LLGL2: variants seen among roughly 807,000 people sequenced by gnomAD.
LLGL2 encodes LLGL scribble cell polarity complex component 2, also known as LLGL2, scribble cell polarity complex component.
In LLGL2, 81 loss-of-function variants were observed where a neutral mutation model predicts 123.2. The ratio of observed to expected loss-of-function variants is 0.66; its 90% confidence interval spans 0.55 to 0.79. LLGL2 has a LOEUF of 0.79. Among genes scored for constraint, LLGL2 ranks in the 30% least tolerant of loss-of-function variants. The pLI is 0.00. For missense variants in LLGL2, 1,273 were observed against 1,414.6 expected (o/e 0.90, Z 1.61); for synonymous variants, 577 against 594.1 (o/e 0.97, Z 0.42).
intron 1 of LLGL2, among the ~76,000 whole-genome samples, chr17:75,534,600 C>A (rs1316374565): frequency 6.6e-6 from 1 of 152,216 alleles, no homozygotes; most frequent in Non-Finnish European, 1.5e-5. Flanking sequence ...CCCACCTCAG[C>A]CTCCTGAGTA....
chr17:75,555,339 C>T (rs1441012844), intron 2 of LLGL2, among the ~76,000 whole-genome samples: 2 of 147,032 alleles, frequency 1.4e-5, no homozygotes, highest in African/African-American at 2.5e-5. Context: ...GCCCAGGCTG[C>T]TCTGCCTGCC....
chr17:75,556,348 G>A (rs2054914173), intron 3 of LLGL2, among the ~76,000 whole-genome samples: 1 of 152,128 alleles, frequency 6.6e-6, no homozygotes, highest in African/African-American at 2.4e-5. Context: ...GTGCATCCCT[G>A]GTGGGATGCG....
chr17:75,529,891 G>T (rs1209028637), intron 1 of LLGL2, among the ~76,000 whole-genome samples: 1 of 152,114 alleles, frequency 6.6e-6, no homozygotes, highest in African/African-American at 2.4e-5. Flanking sequence ...TTTAAAAAAA[G>T]ATTTTTAGTG....
chr17:75,558,458 A>G lies in LLGL2; in HGVS notation c.256-54A>G. 6.8e-7 allele frequency: 1 copy of G among 1,467,308 alleles called. No individual in the cohort carries two copies. The highest frequency in any genetic ancestry group is 9.3e-7 in the Non-Finnish European group (1 of 1,074,010). 90.9% of individuals were successfully genotyped at this position (1,467,308 alleles called of 1,614,324 possible). A position where few individuals can be genotyped will look rare whatever the true frequency, so the allele number is the denominator to read the frequency against. ...CTGGGGCTGCGTGGCCCCAGTGTGT[A>G]AAGGCCTTGCCTGGGTAGCAAGACC... On this transcript the variant is annotated intron_variant, in intron 4 of 25. Transcript: ENST00000392550. The surrounding 1 kb of genome is among the most constrained non-coding windows in gnomAD (Gnocchi z 4.0).
intron 6 of LLGL2, among the ~76,000 whole-genome samples, chr17:75,560,271 A>G (rs1431365178): frequency 3.3e-5 from 5 of 152,208 alleles, no homozygotes; most frequent in Non-Finnish European, 7.4e-5. Flanking sequence ...GGGCTGGGGC[A>G]GTGTGTCCAA....
rs886965277 is a variant in LLGL2 at position 75,533,079 on chromosome 17, A to C, written c.-31+7254A>C. Among the ~76,000 whole-genome samples, 12 of 151,646 alleles carry C rather than the reference A, an allele frequency of 7.9e-5. No homozygotes were observed. In the East Asian group the frequency reaches 2.1e-3, roughly 27 times the overall value. Reference sequence around the variant, plus strand: ...CAGTGGCGCGATCTCGGCTCACTGCAAGCTCTGCCTCCCGGGTTCACGCCA... The same window carrying C: ...CAGTGGCGCGATCTCGGCTCACTGCCAGCTCTGCCTCCCGGGTTCACGCCA... On this transcript the variant is annotated intron_variant, in intron 1 of 25. Transcript: ENST00000392550.
rs140158421 is a variant in LLGL2, at chr17:75,549,335, G to A, written c.75+5834G>A. On this transcript the variant is annotated intron_variant, in intron 2 of 25. Transcript: ENST00000392550. This position sits in a 1 kb window ranked among gnomAD's most constrained non-coding sequence, Gnocchi z 4.0. ...CTAGACAACTGCTCACAGCCAGCTC[G>A]CTCCCCTCGGCCAAACCCAGGCACA... 2.9e-3 allele frequency among the ~76,000 whole-genome samples: 440 copies of A among 152,202 alleles called. 3 individuals are homozygous for A. The highest frequency in any genetic ancestry group is 0.01 in the African/African-American group (418 of 41,494).
intron 1 of LLGL2, among the ~76,000 whole-genome samples, chr17:75,536,139 G>A (rs1184129742): frequency 1.3e-5 from 2 of 152,230 alleles, no homozygotes; most frequent in South Asian, 2.1e-4. Flanking sequence ...GGAGACTGAG[G>A]TTGGATGGCC....
intron 2 of LLGL2, among the ~76,000 whole-genome samples, chr17:75,552,026 G>C (rs1302494581): frequency 6.6e-6 from 1 of 151,700 alleles, no homozygotes; most frequent in Non-Finnish European, 1.5e-5. Context: ...CTACTTGGGA[G>C]GCTGAGGCAG....
chr17:75,575,068 G>T lies in LLGL2; in HGVS notation c.*190G>T. 1.4e-6 allele frequency: 1 copy of T among 735,464 alleles called. No individual in the cohort carries two copies. Among genetic ancestry groups the T allele is most frequent in the South Asian group, 1.5e-5 (1 of 65,396 alleles). The allele number at this position is 735,464 out of a possible 1,614,324, so 45.6% of individuals were successfully genotyped here. ...CAGTCCCCTGGGCTGCCCTTCCCGG[G>T]CCTCGTCTGTCTGGGTCCTTTGGTC... On this transcript the variant is annotated 3_prime_UTR_variant, in exon 26 of 26. Coordinates refer to ENST00000392550, the MANE Select transcript of LLGL2 (RefSeq NM_001031803.2).
intron 17 of LLGL2, 77 bp downstream of exon 17, chr17:75,571,177 G>C: frequency 2.2e-6 from 3 of 1,373,924 alleles, no homozygotes; most frequent in Non-Finnish European, 3.0e-6. Context: ...CATGCCGGGG[G>C]CTGCTGCCTG....
chr17:75,529,431 C>G (rs2053694163), intron 1 of LLGL2, among the ~76,000 whole-genome samples: 1 of 151,826 alleles, frequency 6.6e-6, no homozygotes, highest in Admixed American at 6.6e-5. Context: ...TCTTGAACTC[C>G]TGACTTCAAG....
In LLGL2 at chr17:75,535,189, C is replaced by A. The variant is rs1052277110; in HGVS notation, c.-30-8208C>A. Among the ~76,000 whole-genome samples, 3 of 152,344 alleles carry A rather than the reference C, an allele frequency of 2.0e-5. No individual in the cohort carries two copies. In the East Asian group the frequency reaches 5.8e-4, roughly 29 times the overall value. On this transcript the variant is annotated intron_variant, in intron 1 of 25. Coordinates refer to ENST00000392550, the MANE Select transcript of LLGL2 (RefSeq NM_001031803.2). ...TGGTTTAGATCCCTGCCCACCAGTG[C>A]CATCAGAGTAGGAGGTGCAGGGGCG...
intron 3 of LLGL2, 130 bp downstream of exon 3, chr17:75,556,273 T>A: frequency 1.4e-6 from 1 of 739,280 alleles, no homozygotes. Flanking sequence ...TTTCCAGTTT[T>A]GGACATGATT....
chr17:75,562,894 A>G (rs1242104177), intron 6 of LLGL2, 122 bp from the exon 7 acceptor site: 2 of 1,249,584 alleles, frequency 1.6e-6, no homozygotes, highest in Non-Finnish European at 2.2e-6. Context: ...GCCCCTAGCC[A>G]TATTTCTATG....
chr17:75,528,426 T>G (rs887000462), intron 1 of LLGL2, among the ~76,000 whole-genome samples: 21 of 152,124 alleles, frequency 1.4e-4, no homozygotes, highest in African/African-American at 5.1e-4. Flanking sequence ...TAAATAACTT[T>G]TTAATATACC....
intron 1 of LLGL2, among the ~76,000 whole-genome samples, chr17:75,538,364 CA>C (rs1274787500): frequency 6.6e-6 from 1 of 152,156 alleles, no homozygotes; most frequent in African/African-American, 2.4e-5. Context: ...TTGGGCCCCC[CA>C]CTTGTCTTCA....
intron 6 of LLGL2, chr17:75,562,432 T>C (rs2055262120): frequency 6.4e-6 from 1 of 156,050 alleles, no homozygotes. Flanking sequence ...TGCCCCCACA[T>C]TGACTTTTCC....
chr17:75,525,717 G>A lies in LLGL2; in HGVS notation c.-139G>A, dbSNP rs929492979. ...TCGCCGCGCCGGAGGTGAGCAGGAA[G>A]GAGACGGCCGCCCAGCAGCCCGTGG... On this transcript the variant is annotated 5_prime_UTR_variant, in exon 1 of 26. Coordinates refer to ENST00000392550, the MANE Select transcript of LLGL2 (RefSeq NM_001031803.2). The surrounding 1 kb of genome is among the most constrained non-coding windows in gnomAD (Gnocchi z 4.8). The A allele has an allele frequency of 6.6e-6, 1 of 150,884 alleles. No individual in the cohort carries two copies. Among genetic ancestry groups the A allele is most frequent in the African/African-American group, 2.4e-5 (1 of 41,292 alleles). The allele number at this position is 150,884 out of a possible 1,614,324, so 9.3% of individuals were successfully genotyped here. A position where few individuals can be genotyped will look rare whatever the true frequency, so the allele number is the denominator to read the frequency against.
Sources: gnomAD v4.1 joint callset for allele counts (sites outside exome capture counted in the v4.1 genomes callset) on GRCh38, gnomAD v4.1.1 for gene constraint, Gnocchi (gnomAD v3.1) non-coding constraint, MANE v1.5 for transcripts, NCBI Gene and HGNC (gene_info 2026-07-23, HGNC 2026-07-21) for gene names.